Variants in PCDHA1 observed in about 807,000 individuals in gnomAD.
PCDHA1 encodes protocadherin alpha-1.
PCDHA1 carries 42 observed loss-of-function variants against 61.3 expected under a neutral mutation model. The observed-to-expected ratio is 0.69, with a 90% CI of 0.54 to 0.89. The LOEUF (loss-of-function observed/expected upper bound fraction) is 0.89, where lower values mean the gene tolerates loss of function less well. PCDHA1 is among the 40% of genes least tolerant of loss of function. The pLI is 0.00. For missense variants in PCDHA1, 1,256 were observed against 1,235.3 expected (o/e 1.02, Z -0.25); for synonymous variants, 610 against 553.8 (o/e 1.10, Z -1.43).
At chr5:140,841,789 C>A (rs2150322679) in intron 1 of PCDHA1, 20 of 1,613,730 alleles carry the variant, frequency 1.2e-5, no homozygotes, top group Non-Finnish European at 1.6e-5. Context: ...CGCTAGAGGG[C>A]GCGTCCGATG....
intron 1 of PCDHA1, chr5:140,865,372 A>G (rs2048845131): frequency 6.6e-6 from 1 of 152,208 alleles, no homozygotes; most frequent in Non-Finnish European, 1.5e-5. Flanking sequence ...TAACCATGTT[A>G]TAGGTAGGGT....
At chr5:140,839,793 G>A (rs1776412354) in intron 1 of PCDHA1, among the ~76,000 whole-genome samples, 1 of 151,918 alleles carries the variant, frequency 6.6e-6, no homozygotes, top group East Asian at 1.9e-4. Context: ...TAGAAATTTG[G>A]AGGAGCTCTT....
At chr5:140,870,100 T>G in intron 1 of PCDHA1, 3 of 1,613,914 alleles carry the variant, frequency 1.9e-6, no homozygotes, top group Non-Finnish European at 2.5e-6. Context: ...GGCAGGTCAC[T>G]GTACAGTCTG....
intron 1 of PCDHA1, chr5:140,842,933 C>T (rs1356851691): frequency 6.3e-7 from 1 of 1,594,540 alleles, no homozygotes. Flanking sequence ...GGTGAGCGCG[C>T]GCGACGCGGG....
At chr5:140,908,180 T>C (rs2073846080) in intron 1 of PCDHA1, among the ~76,000 whole-genome samples, 2 of 152,298 alleles carry the variant, frequency 1.3e-5, no homozygotes, top group East Asian at 3.9e-4. Context: ...AGCTGTCCAC[T>C]TTCAGGTGGT....
intron 1 of PCDHA1, among the ~76,000 whole-genome samples, chr5:140,791,520 C>G (rs1221020695): frequency 1.3e-5 from 2 of 152,154 alleles, no homozygotes; most frequent in African/African-American, 2.4e-5. Context: ...CTCACAACAG[C>G]ATATGTATTG....
At chr5:140,989,837 T>C (rs1389244965) in intron 3 of PCDHA1, among the ~76,000 whole-genome samples, 1 of 152,120 alleles carries the variant, frequency 6.6e-6, no homozygotes, top group African/African-American at 2.4e-5. Context: ...AGCCTGTCAA[T>C]GAGTGTGTGG....
At chr5:140,824,106 G>C (rs2150132209) in intron 1 of PCDHA1, 6 of 1,614,086 alleles carry the variant, frequency 3.7e-6, no homozygotes, top group South Asian at 1.1e-5. Flanking sequence ...GCCTTCCTCA[G>C]GGTCCCACCT....
rs1238840347 is a variant in PCDHA1 at position 140,858,526 on chromosome 5, AT to A, written c.2394+69847del. On this transcript the variant is annotated intron_variant, in intron 1 of 3. Coordinates refer to ENST00000504120, the MANE Select transcript of PCDHA1 (RefSeq NM_018900.4). ...TCTCAAATATGTATCAGAATATTTC[AT>A]TTTTGTCTACATTCCATTTATGCTT... 6.2e-5 allele frequency: 87 copies of A among 1,407,632 alleles called. 5 individuals carry two copies. The highest frequency in any genetic ancestry group is 8.4e-5 in the Non-Finnish European group (85 of 1,016,948). The allele number at this position is 1,407,632 out of a possible 1,614,324, so 87.2% of individuals were successfully genotyped here.
intron 1 of PCDHA1, among the ~76,000 whole-genome samples, chr5:140,922,833 T>C (rs1443634582): frequency 6.6e-6 from 1 of 152,332 alleles, no homozygotes; most frequent in Admixed American, 6.5e-5. Flanking sequence ...TGCTAATAGA[T>C]GTCCTCAAAG....
chr5:140,877,014 C>T, intron 1 of PCDHA1: 4 of 1,612,440 alleles, frequency 2.5e-6, no homozygotes, highest in Non-Finnish European at 2.5e-6. Flanking sequence ...ACGCGGAGAG[C>T]GGCAAGGTGT....
chr5:140,934,822 T>C (rs2090051776), intron 1 of PCDHA1, among the ~76,000 whole-genome samples: 1 of 152,218 alleles, frequency 6.6e-6, no homozygotes. Flanking sequence ...ATGCTAACTT[T>C]GGCAAGTTGG....
At chr5:140,989,153 A>C (rs1409258920) in intron 3 of PCDHA1, among the ~76,000 whole-genome samples, 2 of 152,186 alleles carry the variant, frequency 1.3e-5, no homozygotes, top group Non-Finnish European at 2.9e-5. Flanking sequence ...CTTTTGTTTA[A>C]GAGTGTTGCA....
At chr5:140,901,922 G>A (rs2068984254) in intron 1 of PCDHA1, among the ~76,000 whole-genome samples, 2 of 151,732 alleles carry the variant, frequency 1.3e-5, no homozygotes. Flanking sequence ...TCACTTCTTT[G>A]GTTAATTCCT....
chr5:140,981,144 A>G (rs1245688386), intron 2 of PCDHA1, among the ~76,000 whole-genome samples: 1 of 152,238 alleles, frequency 6.6e-6, no homozygotes, highest in African/African-American at 2.4e-5. Flanking sequence ...GAGTGAGAAA[A>G]CATTGAACTT....
At chr5:140,897,458 G>T (rs191522392) in intron 1 of PCDHA1, among the ~76,000 whole-genome samples, 1 of 151,310 alleles carries the variant, frequency 6.6e-6, no homozygotes, top group African/African-American at 2.4e-5. Flanking sequence ...TTGTCCTTGC[G>T]ATAGTTTACT....
At chr5:140,920,989 A>C (rs1409702083) in intron 1 of PCDHA1, among the ~76,000 whole-genome samples, 1 of 151,756 alleles carries the variant, frequency 6.6e-6, no homozygotes, top group Non-Finnish European at 1.5e-5. Context: ...GTATTTGCTT[A>C]TTTTTTCAGA....
chr5:140,835,497 A>C, intron 1 of PCDHA1: 1 of 1,613,910 alleles, frequency 6.2e-7, no homozygotes. Flanking sequence ...CATCACATTG[A>C]TTAGCGTGTT....
At position 140,848,680 on chromosome 5, in the gene PCDHA1, G is replaced by T. The variant is rs2150417098; in HGVS notation, c.2394+59996G>T. ...CTGGAGCTGGCGGAGCTGGTGCCGC[G>T]CCTGTTCCAGTTGGATTCCAAAGGC... On this transcript the variant is annotated intron_variant, in intron 1 of 3. Transcript: ENST00000504120. 4.4e-5 allele frequency: 70 copies of T among 1,592,250 alleles called. 5 individuals are homozygous for T. The highest frequency in any genetic ancestry group is 3.9e-4 in the Admixed American group (23 of 59,170).
Sources: gnomAD v4.1 joint callset for allele counts (sites outside exome capture counted in the v4.1 genomes callset) on GRCh38, gnomAD v4.1.1 for gene constraint, MANE v1.5 for transcripts, NCBI Gene and HGNC (gene_info 2026-07-23, HGNC 2026-07-21) for gene names.